NCBP3: variants seen among roughly 807,000 people sequenced by gnomAD.
NCBP3 encodes nuclear cap-binding protein subunit 3.
A neutral mutation model predicts 75.7 loss-of-function variants in NCBP3; 20 were observed. The ratio of observed to expected loss-of-function variants is 0.26; its 90% confidence interval spans 0.19 to 0.38. The LOEUF (loss-of-function observed/expected upper bound fraction) is 0.38, where lower values mean the gene tolerates loss of function less well. NCBP3 is among the 10% of genes least tolerant of loss of function. The pLI is 1.00. For missense variants in NCBP3, 678 were observed against 796.9 expected, an observed-to-expected ratio of 0.85 and a Z score of 1.80; for synonymous variants, 293 against 290.5, an observed-to-expected ratio of 1.01 and a Z score of -0.09.
chr17:3,814,452 A>C lies in NCBP3; in HGVS notation c.1497T>G (p.His499Gln). 1.2e-6 allele frequency: 2 copies of C among 1,614,234 alleles called. No individual in the cohort carries two copies. Among genetic ancestry groups the C allele is most frequent in the Non-Finnish European group, 1.7e-6 (2 of 1,180,046 alleles). ...DIRQRLGKRP[H>Q]SPEKAFSSNP... Reference sequence around the variant, plus strand: ...TACTACTAAAAGCCTTTTCCGGAGAATGTGGTCTTTTTCCTAACCGCTGGC... The same window carrying C: ...TACTACTAAAAGCCTTTTCCGGAGACTGTGGTCTTTTTCCTAACCGCTGGC... The change falls in exon 12 of 13, where the codon CAT becomes CAG. Residue 499 changes from histidine (H) to glutamine (Q), a missense_variant. Physicochemically the swap from His to Gln is conservative, Grantham distance 24. Transcript: ENST00000389005.
Position 3,809,919 on chromosome 17 carries a change from T to A in NCBP3, c.*3125A>T, listed in dbSNP as rs908007746. Reference sequence around the variant, plus strand: ...AAGCCAGTCACAAATAGACACATAGTATATGATCCCATTTATATGAACTAT... The same window carrying A: ...AAGCCAGTCACAAATAGACACATAGAATATGATCCCATTTATATGAACTAT... On this transcript the variant is annotated 3_prime_UTR_variant, in exon 13 of 13. Transcript: ENST00000389005. The A allele has an allele frequency of 6.6e-6, 1 of 152,118 alleles. No homozygotes were observed. Among genetic ancestry groups the A allele is most frequent in the African/African-American group, 2.4e-5 (1 of 41,412 alleles). 9.4% of individuals were successfully genotyped at this position (152,118 alleles called of 1,614,324 possible).
chr17:3,843,016 G>T, intron 2 of NCBP3, 70 bp downstream of exon 2: 2 of 1,197,772 alleles, frequency 1.7e-6, no homozygotes, highest in Non-Finnish European at 2.4e-6. Context: ...TTACTGTTAT[G>T]TCCTAGGGAT....
chr17:3,820,422 T>C (rs1274581293), intron 9 of NCBP3, among the ~76,000 whole-genome samples: 2 of 152,186 alleles, frequency 1.3e-5, no homozygotes, highest in Non-Finnish European at 2.9e-5. Context: ...TTCCATAGAT[T>C]AGGCTCAAAA....
Position 3,811,365 on chromosome 17 carries a change from A to C in NCBP3, c.*1679T>G, listed in dbSNP as rs1296088342. On this transcript the variant is annotated 3_prime_UTR_variant, in exon 13 of 13. Coordinates refer to ENST00000389005, the MANE Select transcript of NCBP3 (RefSeq NM_001114118.3). ...TTCACAGGGAAAGAAAAGCTGAGAA[A>C]TCTCAGATGTCTTAAGTCTCAACTG... is the stretch of plus-strand genomic sequence containing the variant. The C allele has an allele frequency of 2.0e-5, 3 of 152,332 alleles. No homozygotes were observed. Among genetic ancestry groups the C allele is most frequent in the African/African-American group, 7.2e-5 (3 of 41,568 alleles). 9.4% of individuals were successfully genotyped at this position (152,332 alleles called of 1,614,324 possible).
chr17:3,841,602 C>CTTTTTTTTTTTTTTTTTT (rs373561293), intron 2 of NCBP3, among the ~76,000 whole-genome samples: 1 of 118,050 alleles, frequency 8.5e-6, no homozygotes, highest in African/African-American at 3.2e-5. Flanking sequence ...AATTCTCTCT[C>CTTTTTTTTTTTTTTTTTT]TTTTTTTTTT....
intron 3 of NCBP3, among the ~76,000 whole-genome samples, 192 bp downstream of exon 3, chr17:3,839,908 C>A (rs1597414926): frequency 1.2e-4 from 18 of 152,304 alleles, no homozygotes; most frequent in Middle Eastern, 3.4e-3. Flanking sequence ...CCAGCTCTAA[C>A]ATCTGAGCCA....
chr17:3,816,981 C>T (rs1022772659), intron 10 of NCBP3, among the ~76,000 whole-genome samples: 6 of 151,760 alleles, frequency 4.0e-5, no homozygotes, highest in African/African-American at 1.2e-4. Context: ...GAGCCGAGAT[C>T]GTGTTATCGC....
intron 4 of NCBP3, 89 bp downstream of exon 4, chr17:3,829,154 G>A (rs2053835555): frequency 7.1e-7 from 1 of 1,404,440 alleles, no homozygotes; most frequent in Non-Finnish European, 9.7e-7. Context: ...CAAGTAGTAT[G>A]GGCCAGAACC....
In NCBP3 at chr17:3,812,993, C is replaced by G; in HGVS notation, c.*51G>C. 1 of 1,609,960 alleles carries G rather than the reference C, an allele frequency of 6.2e-7. No homozygotes were observed. The highest frequency in any genetic ancestry group is 1.1e-5 in the South Asian group (1 of 90,476). On this transcript the variant is annotated 3_prime_UTR_variant, in exon 13 of 13. Transcript: ENST00000389005. ...GGGAGGTTCCTACTGCGCGCCCCAC[C>G]CTGTGCAAGAATGTCAGGCTTTAGG...
chr17:3,840,297 C>G, intron 2 of NCBP3, 92 bp from the exon 3 acceptor site: 1 of 1,019,296 alleles, frequency 9.8e-7, no homozygotes, highest in East Asian at 2.6e-5. Context: ...CAAACCTGAA[C>G]TAAAAAAGAA....
In NCBP3 at chr17:3,832,157, C is replaced by A. The variant is rs528411248; in HGVS notation, c.356-2789G>T. ...CGAGATTGTGCCATTGCACTCCAGA[C>A]TGGGCGACAGGGCAAGACTCCGTCG... On this transcript the variant is annotated intron_variant, in intron 3 of 12. Transcript: ENST00000389005. Among the ~76,000 whole-genome samples the A allele has an allele frequency of 7.9e-4, 77 of 96,980 alleles. 6 individuals carry two copies. Among genetic ancestry groups the A allele is most frequent in the African/African-American group, 1.9e-3 (64 of 33,266 alleles). 63.6% of individuals were successfully genotyped at this position (96,980 alleles called of 152,430 possible).
chr17:3,830,243 T>A (rs2143684990), intron 3 of NCBP3, among the ~76,000 whole-genome samples: 1 of 152,300 alleles, frequency 6.6e-6, no homozygotes, highest in South Asian at 2.1e-4. Flanking sequence ...ACGAAGTAGC[T>A]CACACGAAGA....
chr17:3,814,998 C>A (rs1158173792), intron 11 of NCBP3, among the ~76,000 whole-genome samples: 1 of 152,214 alleles, frequency 6.6e-6, no homozygotes, highest in Non-Finnish European at 1.5e-5. Context: ...GAAACACATT[C>A]GTTGGTGAGG....
At chr17:3,833,006 T>C (rs2053911446) in intron 3 of NCBP3, among the ~76,000 whole-genome samples, 1 of 152,104 alleles carries the variant, frequency 6.6e-6, no homozygotes, top group Non-Finnish European at 1.5e-5. Flanking sequence ...TCCCAGCACT[T>C]TGGGAGGCTG....
chr17:3,818,156 C>A lies in NCBP3; in HGVS notation c.1310+107G>T. The A allele has an allele frequency of 2.1e-6, 2 of 940,498 alleles. No individual in the cohort carries two copies. Among genetic ancestry groups the A allele is most frequent in the Non-Finnish European group, 3.1e-6 (2 of 654,410 alleles). 58.3% of individuals were successfully genotyped at this position (940,498 alleles called of 1,614,324 possible). On this transcript the variant is annotated intron_variant, in intron 10 of 12. Coordinates refer to ENST00000389005, the MANE Select transcript of NCBP3 (RefSeq NM_001114118.3). The surrounding 1 kb of genome is among the most constrained non-coding windows in gnomAD (Gnocchi z 4.7). Reference sequence around the variant, plus strand: ...GCGTTTATTAAACTCCTACAAGGGACTGAAATCAGAATAGATAAAAGATAT... The same window carrying A: ...GCGTTTATTAAACTCCTACAAGGGAATGAAATCAGAATAGATAAAAGATAT...
intron 3 of NCBP3, among the ~76,000 whole-genome samples, chr17:3,834,207 T>C (rs1377476723): frequency 2.0e-5 from 3 of 152,088 alleles, no homozygotes; most frequent in Non-Finnish European, 4.4e-5. Context: ...GAACGACTAA[T>C]GCCAGTCTAC....
At position 3,821,232 on chromosome 17, in the gene NCBP3, G is replaced by A; in HGVS notation, c.1000+17C>T. 1.3e-6 allele frequency: 2 copies of A among 1,570,836 alleles called. No homozygotes were observed. The highest frequency in any genetic ancestry group is 1.1e-5 in the South Asian group (1 of 90,182). ...GAGCCAAACATGTGTCTACCCAAGA[G>A]CTGAGCAGGCAACTACCAGAATGTC... On this transcript the variant is annotated intron_variant, in intron 9 of 12. Transcript: ENST00000389005.
intron 3 of NCBP3, among the ~76,000 whole-genome samples, chr17:3,834,800 A>T (rs1449202794): frequency 6.6e-6 from 1 of 151,494 alleles, no homozygotes; most frequent in Non-Finnish European, 1.5e-5. Context: ...CAACAGTTCC[A>T]TAAGAAGCAA....
Position 3,806,536 on chromosome 17 carries a change from A to G in NCBP3, c.*6508T>C, listed in dbSNP as rs1303300912. ...CGGAATTGCTCAAATGAACAGTAAGAATCCTGAGGCAGGGTACTGACCTTG... is the reference window on the plus strand; with the variant it reads ...CGGAATTGCTCAAATGAACAGTAAGGATCCTGAGGCAGGGTACTGACCTTG... On this transcript the variant is annotated 3_prime_UTR_variant, in exon 13 of 13. Transcript: ENST00000389005. 2 of 152,174 alleles carry G rather than the reference A, an allele frequency of 1.3e-5. No homozygotes were observed. The highest frequency in any genetic ancestry group is 2.9e-5 in the Non-Finnish European group (2 of 68,036). The allele number at this position is 152,174 out of a possible 1,614,324, so 9.4% of individuals were successfully genotyped here. A position where few individuals can be genotyped will look rare whatever the true frequency, so the allele number is the denominator to read the frequency against.
Sources: allele counts gnomAD v4.1 joint callset (sites outside exome capture counted in the v4.1 genomes callset), GRCh38; gene constraint gnomAD v4.1.1; non-coding constraint Gnocchi (gnomAD v3.1); transcripts MANE v1.5; gene names NCBI Gene and HGNC (gene_info 2026-07-23, HGNC 2026-07-21).